SLC16A9: variants seen among roughly 807,000 people sequenced by gnomAD.
SLC16A9 encodes the protein monocarboxylate transporter 9.
A neutral mutation model predicts 44.3 loss-of-function variants in SLC16A9; 26 were observed. The ratio of observed to expected loss-of-function variants is 0.59; its 90% CI spans 0.43 to 0.81. The LOEUF (loss-of-function observed/expected upper bound fraction) is 0.81. Ranked by LOEUF, SLC16A9 falls within the 40% of genes least tolerant of loss-of-function variation. The pLI is 0.00. For synonymous variants in SLC16A9, 230 were observed against 225.1 expected, an observed-to-expected ratio of 1.02 and a Z score of -0.19; for missense variants, 559 against 595.8, an observed-to-expected ratio of 0.94 and a Z score of 0.64.
At chr10:59,653,445 A>AAAAAAAAAAAAAAAAAG (rs1839262695) in intron 5 of SLC16A9, among the ~76,000 whole-genome samples, 1 of 148,820 alleles carries the variant, frequency 6.7e-6, no homozygotes, top group Non-Finnish European at 1.5e-5. Flanking sequence ...AAAAAAAAAA[A>AAAAAAAAAAAAAAAAAG]GCAGGCATTT....
At chr10:59,689,620 G>C (rs1286757383) in intron 1 of SLC16A9, among the ~76,000 whole-genome samples, 1 of 152,166 alleles carries the variant, frequency 6.6e-6, no homozygotes, top group East Asian at 1.9e-4. Context: ...TGACCTCCTA[G>C]AGATACCGAA....
chr10:59,675,720 T>A (rs1839843845), intron 2 of SLC16A9, among the ~76,000 whole-genome samples: 1 of 152,164 alleles, frequency 6.6e-6, no homozygotes, highest in Non-Finnish European at 1.5e-5. Context: ...GTAAACACAC[T>A]ATGCACGTGG....
intron 1 of SLC16A9, among the ~76,000 whole-genome samples, chr10:59,698,730 CTCT>C (rs1564713608): frequency 6.6e-6 from 1 of 151,672 alleles, no homozygotes; most frequent in East Asian, 1.9e-4. Flanking sequence ...CACTTTGTCT[CTCT>C]TTTTTTTTTT....
At chr10:59,663,678 A>G (rs1321789920) in intron 4 of SLC16A9, among the ~76,000 whole-genome samples, 3 of 152,118 alleles carry the variant, frequency 2.0e-5, no homozygotes, top group African/African-American at 7.2e-5. Context: ...TGATGGGTGC[A>G]GCAAACCACC....
At chr10:59,701,513 A>T (rs1488750627) in intron 1 of SLC16A9, among the ~76,000 whole-genome samples, 1 of 152,238 alleles carries the variant, frequency 6.6e-6, no homozygotes, top group Non-Finnish European at 1.5e-5. Flanking sequence ...TATCAATGAC[A>T]ATCATTCTTT....
chr10:59,696,633 G>C (rs915826724), intron 1 of SLC16A9, among the ~76,000 whole-genome samples: 1 of 150,396 alleles, frequency 6.6e-6, no homozygotes, highest in Non-Finnish European at 1.5e-5. Context: ...GTCTCTGCCC[G>C]GCCGCCATCC....
chr10:59,652,793 G>T lies in SLC16A9; in HGVS notation c.1509C>A (p.Tyr503Ter). ...TCTTCTAAACATTAGAGGCAACTTTGTACAAGAAAGTTGTTGGAGCTGGCT... is the reference window on the plus strand; with the variant it reads ...TCTTCTAAACATTAGAGGCAACTTTTTACAAGAAAGTTGTTGGAGCTGGCT... ...LPKPAPTTFL[Y>*]KVASNV Residue 503 changes from tyrosine (Y) to a stop codon, truncating the protein, a stop_gained, in exon 6 of 6, where the codon TAC (tyrosine) becomes TAA (stop). Transcript: ENST00000395348. LOFTEE classifies it high-confidence loss of function. The T allele has an allele frequency of 6.2e-7, 1 of 1,611,870 alleles. No homozygotes were observed. Among genetic ancestry groups the T allele is most frequent in the Non-Finnish European group, 8.5e-7 (1 of 1,179,374 alleles).
intron 2 of SLC16A9, among the ~76,000 whole-genome samples, chr10:59,678,314 T>G (rs16913951): frequency 0.041 from 6,168 of 151,420 alleles, 228 homozygotes; most frequent in East Asian, 0.11. Context: ...AGGTGTGAGC[T>G]CCTCCAAATT....
At chr10:59,664,204 C>T (rs772828587) in intron 4 of SLC16A9, 23 bp downstream of exon 4, 3 of 1,547,376 alleles carry the variant, frequency 1.9e-6, no homozygotes, top group Non-Finnish European at 2.7e-6. Context: ...GGTGACAATA[C>T]TGTACTCATT....
At chr10:59,672,732 T>C (rs1346241071) in intron 3 of SLC16A9, 38 bp downstream of exon 3, 5 of 1,589,188 alleles carry the variant, frequency 3.1e-6, no homozygotes, top group East Asian at 2.3e-5. Context: ...TGTGTATCTC[T>C]TGAAGGTTAG....
chr10:59,657,853 C>T (rs1839384417), intron 4 of SLC16A9, among the ~76,000 whole-genome samples: 1 of 152,146 alleles, frequency 6.6e-6, no homozygotes, highest in Admixed American at 6.5e-5. Context: ...CTGATGGACC[C>T]TCCCCTTGGC....
At chr10:59,694,372 A>AC (rs1840322193) in intron 1 of SLC16A9, among the ~76,000 whole-genome samples, 1 of 152,336 alleles carries the variant, frequency 6.6e-6, no homozygotes, top group East Asian at 1.9e-4. Context: ...AAGTAAGAAA[A>AC]GAAAAAAGAG....
At chr10:59,687,654 C>T (rs1284211070) in intron 1 of SLC16A9, among the ~76,000 whole-genome samples, 2 of 152,004 alleles carry the variant, frequency 1.3e-5, no homozygotes, top group Non-Finnish European at 2.9e-5. Flanking sequence ...GTGTTGGTAA[C>T]CAAATGGTGT....
chr10:59,678,534 C>CTTTTTTTTTTTTTTTTTTTTT (rs1839909825), intron 2 of SLC16A9, among the ~76,000 whole-genome samples: 1 of 12,364 alleles, frequency 8.1e-5, no homozygotes, highest in Non-Finnish European at 2.7e-4. Context: ...TTTTTTTTTT[C>CTTTTTTTTTTTTTTTTTTTTT]TTTTTCTTTT....
intron 3 of SLC16A9, among the ~76,000 whole-genome samples, chr10:59,666,544 C>G (rs1392625607): frequency 6.6e-6 from 1 of 152,030 alleles, no homozygotes; most frequent in Non-Finnish European, 1.5e-5. Flanking sequence ...CTGCAAAAAG[C>G]CTACCACAAA....
chr10:59,693,058 C>T (rs755529920), intron 1 of SLC16A9, among the ~76,000 whole-genome samples: 5 of 152,328 alleles, frequency 3.3e-5, no homozygotes, highest in Non-Finnish European at 7.4e-5. Flanking sequence ...ATGTAATATT[C>T]TACTTCTACT....
chr10:59,697,610 T>A (rs2132535246), intron 1 of SLC16A9, among the ~76,000 whole-genome samples: 1 of 148,882 alleles, frequency 6.7e-6, no homozygotes, highest in East Asian at 2.0e-4. Context: ...GGCCGCAGGG[T>A]CCTCTGCCTA....
intron 4 of SLC16A9, among the ~76,000 whole-genome samples, chr10:59,663,493 C>A (rs1429649469): frequency 6.6e-6 from 1 of 151,370 alleles, no homozygotes; most frequent in Non-Finnish European, 1.5e-5. Context: ...TCATTCTCAG[C>A]AAACTAACAC....
intron 5 of SLC16A9, 148 bp downstream of exon 5, chr10:59,653,527 G>T: frequency 3.6e-6 from 2 of 554,850 alleles, no homozygotes; most frequent in South Asian, 6.4e-5. Context: ...TTATATCAAA[G>T]CAGTCTTGAA....
Sources: gnomAD v4.1 joint callset for allele counts (sites outside exome capture counted in the v4.1 genomes callset) on GRCh38, gnomAD v4.1.1 for gene constraint, MANE v1.5 for transcripts, NCBI Gene and HGNC (gene_info 2026-07-23, HGNC 2026-07-21) for gene names.